ZCWPW2: variants seen among roughly 807,000 people sequenced by gnomAD.
ZCWPW2 encodes zinc finger CW-type and PWWP domain containing 2.
A neutral mutation model predicts 46.6 loss-of-function variants in ZCWPW2; 45 were observed. The observed-to-expected ratio is 0.96, with a 90% CI of 0.76 to 1.24. The LOEUF is 1.24. Among genes scored for constraint, ZCWPW2 ranks in the 50% most tolerant of loss-of-function variants. ZCWPW2 has a pLI of 0.00. For synonymous variants in ZCWPW2, 152 were observed against 137.1 expected (o/e 1.11, Z -0.76); for missense variants, 429 against 403.9 (o/e 1.06, Z -0.53).
At chr3:28,515,915 TTC>T (rs912763970) in intron 8 of ZCWPW2, among the ~76,000 whole-genome samples, 1 of 152,142 alleles carries the variant, frequency 6.6e-6, no homozygotes, top group African/African-American at 2.4e-5. Context: ...GAATTGAATT[TTC>T]TCTGTCTCAG....
chr3:28,420,080 A>AG (rs1372133133), intron 3 of ZCWPW2, among the ~76,000 whole-genome samples: 1 of 151,940 alleles, frequency 6.6e-6, no homozygotes, highest in Non-Finnish European at 1.5e-5. Context: ...ATAATTAAAA[A>AG]AAAAAACAGC....
intron 5 of ZCWPW2, among the ~76,000 whole-genome samples, chr3:28,485,999 GTT>G (rs1358323877): frequency 2.6e-5 from 4 of 150,946 alleles, no homozygotes; most frequent in African/African-American, 7.3e-5. Flanking sequence ...CTTTGTTACT[GTT>G]TTTGTCTTTC....
intron 2 of ZCWPW2, among the ~76,000 whole-genome samples, chr3:28,392,838 A>T (rs542798941): frequency 3.3e-5 from 5 of 152,226 alleles, no homozygotes; most frequent in African/African-American, 1.2e-4. Flanking sequence ...TATAGCAATA[A>T]ATACATACAT....
intron 1 of ZCWPW2, among the ~76,000 whole-genome samples, chr3:28,379,106 C>A (rs962870564): frequency 1.3e-5 from 2 of 152,032 alleles, no homozygotes; most frequent in African/African-American, 2.4e-5. Context: ...TTGTATTTAC[C>A]TTTTCATTTT....
At chr3:28,497,341 TTTAGA>T (rs1700019682) in intron 6 of ZCWPW2, among the ~76,000 whole-genome samples, 3 of 152,096 alleles carry the variant, frequency 2.0e-5, no homozygotes, top group South Asian at 2.1e-4. Context: ...ATTTAAATAC[TTTAGA>T]TTAACAAATA....
At chr3:28,441,237 G>A (rs1022145066) in intron 4 of ZCWPW2, among the ~76,000 whole-genome samples, 7 of 152,130 alleles carry the variant, frequency 4.6e-5, no homozygotes, top group African/African-American at 7.2e-5. Context: ...TATCTTCACC[G>A]TTTTTGACCA....
intron 1 of ZCWPW2, among the ~76,000 whole-genome samples, chr3:28,357,394 C>T (rs958388560): frequency 7.9e-5 from 12 of 152,068 alleles, no homozygotes; most frequent in African/African-American, 2.9e-4. Context: ...TGAATGTGTG[C>T]CGTGGGCTGC....
At chr3:28,489,700 ACACACC>A (rs1699740154) in intron 5 of ZCWPW2, among the ~76,000 whole-genome samples, 3 of 144,794 alleles carry the variant, frequency 2.1e-5, no homozygotes, top group Admixed American at 7.0e-5. Context: ...ACACACACAC[ACACACC>A]CCATGTCTAC....
chr3:28,413,061 A>T lies in ZCWPW2; in HGVS notation c.-8A>T. ...TCCTCTTTCTTATTTTCCAGATTAA[A>T]TGCCTTAATGGATAAAGAAAAATTG... On this transcript the variant is annotated 5_prime_UTR_variant, in exon 3 of 10. The change abolishes an upstream ATG in the 5' untranslated region. Transcript: ENST00000383768. 6.3e-7 allele frequency: 1 copy of T among 1,596,168 alleles called. No individual in the cohort carries two copies. The highest frequency in any genetic ancestry group is 8.5e-7 in the Non-Finnish European group (1 of 1,169,998).
intron 3 of ZCWPW2, among the ~76,000 whole-genome samples, chr3:28,425,360 A>G (rs1696964379): frequency 6.6e-6 from 1 of 152,224 alleles, no homozygotes; most frequent in Non-Finnish European, 1.5e-5. Flanking sequence ...ACACAAATAT[A>G]TAGAAAGATA....
chr3:28,377,780 G>A (rs1705549444), intron 1 of ZCWPW2, among the ~76,000 whole-genome samples: 1 of 151,988 alleles, frequency 6.6e-6, no homozygotes, highest in Non-Finnish European at 1.5e-5. Flanking sequence ...ATTCTTACAA[G>A]TCTTAATATG....
intron 3 of ZCWPW2, among the ~76,000 whole-genome samples, chr3:28,432,171 G>A (rs1014566872): frequency 3.9e-5 from 6 of 152,136 alleles, no homozygotes; most frequent in South Asian, 2.1e-4. Context: ...ATATCAGTGC[G>A]TCTTGTCTGG....
At chr3:28,479,506 G>T (rs1414396148) in intron 5 of ZCWPW2, among the ~76,000 whole-genome samples, 1 of 152,164 alleles carries the variant, frequency 6.6e-6, no homozygotes, top group Non-Finnish European at 1.5e-5. Context: ...AAAGATTATA[G>T]TAGGTTTGAC....
chr3:28,520,661 C>T (rs1478350087), intron 8 of ZCWPW2, among the ~76,000 whole-genome samples: 5 of 152,106 alleles, frequency 3.3e-5, no homozygotes, highest in African/African-American at 9.7e-5. Flanking sequence ...TTTGCTGACA[C>T]TTTTTCTATA....
At chr3:28,483,591 C>A (rs535115614) in intron 5 of ZCWPW2, among the ~76,000 whole-genome samples, 1 of 152,198 alleles carries the variant, frequency 6.6e-6, no homozygotes, top group African/African-American at 2.4e-5. Context: ...GACATCTTGA[C>A]CATATTGAGT....
chr3:28,375,131 A>T lies in ZCWPW2; in HGVS notation c.-133-15367A>T, dbSNP rs13314631. 6.5e-3 allele frequency among the ~76,000 whole-genome samples: 973 copies of T among 150,108 alleles called. 9 individuals carry two copies. The highest frequency in any genetic ancestry group is 0.023 in the African/African-American group (932 of 40,898). ...TTTGATTTTTACTGTATTTTTCCTG[A>T]TGTAAGTATAACTACTTGGTTTTTT... On this transcript the variant is annotated intron_variant, in intron 1 of 9. Transcript: ENST00000383768.
chr3:28,391,360 C>CACAA (rs1247351657), intron 2 of ZCWPW2, among the ~76,000 whole-genome samples: 1 of 93,046 alleles, frequency 1.1e-5, no homozygotes, highest in African/African-American at 3.0e-5. Flanking sequence ...CTGCCACACA[C>CACAA]ACACACACAC....
chr3:28,383,398 T>A (rs1695165595), intron 1 of ZCWPW2, among the ~76,000 whole-genome samples: 1 of 152,160 alleles, frequency 6.6e-6, no homozygotes, highest in Non-Finnish European at 1.5e-5. Context: ...CGTGGGCTTA[T>A]CATGGATATA....
chr3:28,453,797 ATATT>A (rs202155639), intron 4 of ZCWPW2, among the ~76,000 whole-genome samples: 6,407 of 148,092 alleles, frequency 0.043, 202 homozygotes, highest in East Asian at 0.16. Context: ...ATAATTGTGT[ATATT>A]TATTTATTTA....
Sources: gnomAD v4.1 joint callset for allele counts (sites outside exome capture counted in the v4.1 genomes callset) on GRCh38, gnomAD v4.1.1 for gene constraint, MANE v1.5 for transcripts, NCBI Gene and HGNC (gene_info 2026-07-23, HGNC 2026-07-21) for gene names.